Variants in GEMIN6 observed in about 807,000 individuals in gnomAD.
The protein encoded by GEMIN6 is gem nuclear organelle associated protein 6, also known as gem-associated protein 6.
A neutral mutation model predicts 14.1 loss-of-function variants in GEMIN6; 13 were observed. The observed-to-expected ratio is 0.92, with a 90% CI of 0.60 to 1.46. GEMIN6 has a LOEUF of 1.46. Ranked by LOEUF, GEMIN6 falls within the 40% of genes most tolerant of loss-of-function variation. GEMIN6 has a pLI of 0.00. For missense variants in GEMIN6, 271 were observed against 202.4 expected, an observed-to-expected ratio of 1.34 and a Z score of -2.06; for synonymous variants, 87 against 70.0, an observed-to-expected ratio of 1.24 and a Z score of -1.21.
intron 2 of GEMIN6, among the ~76,000 whole-genome samples, chr2:38,780,387 TG>T (rs372590098): frequency 2.0e-5 from 3 of 151,908 alleles, no homozygotes; most frequent in African/African-American, 7.2e-5. Context: ...TTTTTTGAGA[TG>T]GAGTCTCGCT....
At chr2:38,778,447 C>T (rs529572558) in intron 1 of GEMIN6, among the ~76,000 whole-genome samples, 166 bp downstream of exon 1, 2 of 152,074 alleles carry the variant, frequency 1.3e-5, no homozygotes, top group Non-Finnish European at 2.9e-5. Context: ...GGGCAGTTGT[C>T]ATAAATCGGG....
chr2:38,779,173 T>C (rs2148512923), intron 2 of GEMIN6, 55 bp downstream of exon 2: 1 of 1,488,522 alleles, frequency 6.7e-7, no homozygotes. Flanking sequence ...GCTGCCTGTA[T>C]GTTATAGACA....
intron 1 of GEMIN6, among the ~76,000 whole-genome samples, 158 bp from the exon 2 acceptor site, chr2:38,778,814 C>T (rs1380309969): frequency 6.6e-6 from 1 of 152,198 alleles, no homozygotes; most frequent in Non-Finnish European, 1.5e-5. Context: ...GTATCAGTTC[C>T]TATCAGTACA....
In GEMIN6 at chr2:38,779,206, A is replaced by G. The variant is rs1558337605; in HGVS notation, c.128+88A>G. 3 of 1,292,226 alleles carry G rather than the reference A, an allele frequency of 2.3e-6. No individual in the cohort carries two copies. In the East Asian group the frequency reaches 7.4e-5, roughly 32 times the overall value. The allele number at this position is 1,292,226 out of a possible 1,614,324, so 80.0% of individuals were successfully genotyped here. A position where few individuals can be genotyped will look rare whatever the true frequency, so the allele number is the denominator to read the frequency against. On this transcript the variant is annotated intron_variant, in intron 2 of 2. Transcript: ENST00000281950. ...ACAAACTAAGAAAGCAGATAAATGA[A>G]AAGCTAATTATTAATATTTTCATAT...
rs776440729 is a variant in GEMIN6 at position 38,784,815 on chromosome 2, C to G, written c.*2923C>G. 1 of 152,194 alleles carries G rather than the reference C, an allele frequency of 6.6e-6. No individual in the cohort carries two copies. The highest frequency in any genetic ancestry group is 1.5e-5 in the Non-Finnish European group (1 of 68,046). The allele number at this position is 152,194 out of a possible 1,614,324, so 9.4% of individuals were successfully genotyped here. A position where few individuals can be genotyped will look rare whatever the true frequency, so the allele number is the denominator to read the frequency against. ...CTAATTCCTCAGCTAAGATTCTCCC[C>G]AGGAGTTTCACTCACCTGTTTCCAG... is the stretch of plus-strand genomic sequence containing the variant. On this transcript the variant is annotated 3_prime_UTR_variant, in exon 3 of 3. Coordinates refer to ENST00000281950, the MANE Select transcript of GEMIN6 (RefSeq NM_024775.10).
chr2:38,779,291 C>T (rs1489277620), intron 2 of GEMIN6, 173 bp downstream of exon 2: 14 of 657,154 alleles, frequency 2.1e-5, no homozygotes, highest in Middle Eastern at 3.6e-4. Context: ...AATGCAGTGG[C>T]GAGATCTCGG....
Position 38,778,988 on chromosome 2 carries a change from A to C in GEMIN6, c.-3A>C. 1 of 1,608,958 alleles carries C rather than the reference A, an allele frequency of 6.2e-7. No homozygotes were observed. The highest frequency in any genetic ancestry group is 8.5e-7 in the Non-Finnish European group (1 of 1,178,118). On this transcript the variant is annotated 5_prime_UTR_variant, in exon 2 of 3. Coordinates refer to ENST00000281950, the MANE Select transcript of GEMIN6 (RefSeq NM_024775.10). ...TTGTTTCAGATTTAGCCAGGTGGCA[A>C]TCATGAGTGAATGGATGAAGAAAGG...
Position 38,778,969 on chromosome 2 carries a change from C to T in GEMIN6, c.-19-3C>T. ...TATTAACCAGCACTGGTGGTTGTTT[C>T]AGATTTAGCCAGGTGGCAATCATGA... On this transcript the variant is annotated splice_region_variant and splice_polypyrimidine_tract_variant and intron_variant, in intron 1 of 2. Transcript: ENST00000281950. The T allele has an allele frequency of 6.2e-7, 1 of 1,603,226 alleles. No individual in the cohort carries two copies.
chr2:38,778,957 T>C lies in GEMIN6; in HGVS notation c.-19-15T>C. ...ACGTGGAACATATATTAACCAGCACTGGTGGTTGTTTCAGATTTAGCCAGG... is the reference window on the plus strand; with the variant it reads ...ACGTGGAACATATATTAACCAGCACCGGTGGTTGTTTCAGATTTAGCCAGG... On this transcript the variant is annotated splice_polypyrimidine_tract_variant and intron_variant, in intron 1 of 2. Transcript: ENST00000281950. The C allele has an allele frequency of 6.2e-7, 1 of 1,600,454 alleles. No individual in the cohort carries two copies. The highest frequency in any genetic ancestry group is 8.5e-7 in the Non-Finnish European group (1 of 1,173,484).
At position 38,781,568 on chromosome 2, in the gene GEMIN6, T is replaced by A. The variant is rs1417929635; in HGVS notation, c.180T>A (p.Ile60=). ...ATGGCAGCATGTCTGTGACCGGAAT[T>A]ATGGGACATGCTGTGCAGACTGTTG... ...LEDGSMSVTG[I]MGHAVQTVET... Residue 60 remains isoleucine, a synonymous_variant, in exon 3 of 3, where the codon ATT becomes ATA. Coordinates refer to ENST00000281950, the MANE Select transcript of GEMIN6 (RefSeq NM_024775.10). 1.9e-6 allele frequency: 3 copies of A among 1,613,916 alleles called. No individual in the cohort carries two copies. Among genetic ancestry groups the A allele is most frequent in the Non-Finnish European group, 2.5e-6 (3 of 1,179,972 alleles).
rs1669109422 is a variant in GEMIN6 at position 38,782,304 on chromosome 2, C to T, written c.*412C>T. The T allele has an allele frequency of 6.4e-6, 1 of 157,246 alleles. No homozygotes were observed. Among genetic ancestry groups the T allele is most frequent in the African/African-American group, 2.4e-5 (1 of 41,502 alleles). 9.7% of individuals were successfully genotyped at this position (157,246 alleles called of 1,614,324 possible). ...GACTACAGGTGCACGCCACCACTCCCAGCTAATTTTTTGTATTTTAGTAGA... is the reference window on the plus strand; with the variant it reads ...GACTACAGGTGCACGCCACCACTCCTAGCTAATTTTTTGTATTTTAGTAGA... On this transcript the variant is annotated 3_prime_UTR_variant, in exon 3 of 3. Transcript: ENST00000281950.
Position 38,781,842 on chromosome 2 carries a change from C to G in GEMIN6, c.454C>G (p.Leu152Val), listed in dbSNP as rs762620086. 2.5e-6 allele frequency: 4 copies of G among 1,613,970 alleles called. No individual in the cohort carries two copies. The East Asian group carries it at 8.9e-5, about 36-fold the overall frequency. Residue 152 changes from leucine (L) to valine (V), a missense_variant, in exon 3 of 3, where the codon CTG (leucine) becomes GTG (valine). By Grantham distance (32) the Leu-to-Val change is conservative. Transcript: ENST00000281950. ...ENCSSSNEII[L>V]SRVQDLIEGH... ...TTGCAGCAGCTCTAATGAGATTATT[C>G]TGTCGCGTGTTCAGGATCTTATTGA...
Position 38,781,994 on chromosome 2 carries a change from T to G in GEMIN6, c.*102T>G. 2 of 1,144,234 alleles carry G rather than the reference T, an allele frequency of 1.7e-6. No homozygotes were observed. The highest frequency in any genetic ancestry group is 2.5e-6 in the Non-Finnish European group (2 of 807,972). The allele number at this position is 1,144,234 out of a possible 1,614,324, so 70.9% of individuals were successfully genotyped here. A position where few individuals can be genotyped will look rare whatever the true frequency, so the allele number is the denominator to read the frequency against. On this transcript the variant is annotated 3_prime_UTR_variant, in exon 3 of 3. Transcript: ENST00000281950. ...ACATGACTGTGTGTGTGTATGTGTG[T>G]GTGTGTATAATTCTTTGTTGTTTTG...
chr2:38,778,892 C>T (rs982459723), intron 1 of GEMIN6, 80 bp from the exon 2 acceptor site: 2 of 1,261,322 alleles, frequency 1.6e-6, no homozygotes, highest in Admixed American at 2.4e-5. Flanking sequence ...TGTTCTCTGT[C>T]TCTAGGATAG....
In GEMIN6 at chr2:38,782,442, A is replaced by C. The variant is rs1172640186; in HGVS notation, c.*550A>C. 6.6e-6 allele frequency: 1 copy of C among 152,138 alleles called. No homozygotes were observed. Among genetic ancestry groups the C allele is most frequent in the Non-Finnish European group, 1.5e-5 (1 of 68,134 alleles). 9.4% of individuals were successfully genotyped at this position (152,138 alleles called of 1,614,324 possible). A position where few individuals can be genotyped will look rare whatever the true frequency, so the allele number is the denominator to read the frequency against. ...TAACATGTTAGATTCAATATAAAAT[A>C]TTATGGTAAGATCATGGTCTTGTTA... On this transcript the variant is annotated 3_prime_UTR_variant, in exon 3 of 3. Transcript: ENST00000281950.
Position 38,782,223 on chromosome 2 carries a change from A to G in GEMIN6, c.*331A>G, listed in dbSNP as rs1368051456. 1 of 184,394 alleles carries G rather than the reference A, an allele frequency of 5.4e-6. No individual in the cohort carries two copies. Among genetic ancestry groups the G allele is most frequent in the Non-Finnish European group, 1.1e-5 (1 of 89,122 alleles). The allele number at this position is 184,394 out of a possible 1,614,324, so 11.4% of individuals were successfully genotyped here. On this transcript the variant is annotated 3_prime_UTR_variant, in exon 3 of 3. Transcript: ENST00000281950. ...CAGTGGCGCAATCTCAGCTCAGTGC[A>G]ACCTCCGCCTCCCAGGTTCAACCGA... is the stretch of plus-strand genomic sequence containing the variant.
rs553707390 is a variant in GEMIN6 at position 38,779,301 on chromosome 2, G to A, written c.128+183G>A. On this transcript the variant is annotated intron_variant, in intron 2 of 2. Transcript: ENST00000281950. ...GCTGGAATGCAGTGGCGAGATCTCG[G>A]CTCTTTGTAACCTCCACCTCGCAGG... The A allele has an allele frequency of 1.1e-3, 715 of 623,262 alleles. 2 individuals carry two copies. The highest frequency in any genetic ancestry group is 1.8e-3 in the Non-Finnish European group (627 of 357,372). 38.6% of individuals were successfully genotyped at this position (623,262 alleles called of 1,614,324 possible). A position where few individuals can be genotyped will look rare whatever the true frequency, so the allele number is the denominator to read the frequency against.
rs1235491675 is a variant in GEMIN6 at position 38,781,583 on chromosome 2, G to T, written c.195G>T (p.Val65=). 1 of 1,614,144 alleles carries T rather than the reference G, an allele frequency of 6.2e-7. No homozygotes were observed. Among genetic ancestry groups the T allele is most frequent in the East Asian group, 2.2e-5 (1 of 44,888 alleles). Residue 65 remains valine (V), a synonymous_variant, in exon 3 of 3, where the codon GTG becomes GTT. Coordinates refer to ENST00000281950, the MANE Select transcript of GEMIN6 (RefSeq NM_024775.10). The part of the protein sequence containing the change: ...MSVTGIMGHA[V]QTVETMNEGD... ...TGACCGGAATTATGGGACATGCTGT[G>T]CAGACTGTTGAAACTATGAATGAAG...
chr2:38,780,630 C>T (rs1173184466), intron 2 of GEMIN6, among the ~76,000 whole-genome samples: 1 of 151,592 alleles, frequency 6.6e-6, no homozygotes, highest in Non-Finnish European at 1.5e-5. Flanking sequence ...AGCCACCTCA[C>T]CTGACCTTTT....
Sources: allele counts gnomAD v4.1 joint callset (sites outside exome capture counted in the v4.1 genomes callset), GRCh38; gene constraint gnomAD v4.1.1; transcripts MANE v1.5; gene names NCBI Gene and HGNC (gene_info 2026-07-23, HGNC 2026-07-21).